OR1J2: variants seen among roughly 807,000 people sequenced by gnomAD.
OR1J2 encodes olfactory receptor 1J2.
For synonymous variants in OR1J2, 142 were observed against 99.7 expected (o/e 1.42, Z -2.52); for missense variants, 304 against 246.1 (o/e 1.24, Z -1.57).
the OR1J2 span, among the ~76,000 whole-genome samples, chr9:122,531,895 A>G: frequency 6.6e-6 from 1 of 152,192 alleles, no homozygotes. Context: ...CTACCTATCC[A>G]GTGAAAGTGT....
At chr9:122,464,560 C>T in the OR1J2 span, among the ~76,000 whole-genome samples, 4 of 152,116 alleles carry the variant, frequency 2.6e-5, no homozygotes, top group African/African-American at 9.7e-5. Flanking sequence ...CCACTCTGTC[C>T]GACCTAGTGG....
the OR1J2 span, among the ~76,000 whole-genome samples, chr9:122,502,460 A>T: frequency 1.3e-5 from 2 of 152,166 alleles, no homozygotes; most frequent in Admixed American, 6.5e-5. Flanking sequence ...TTGTTCCAGG[A>T]TGCTTGTCTG....
At chr9:122,554,054 T>G in the OR1J2 span, 6 of 1,613,648 alleles carry the variant, frequency 3.7e-6, no homozygotes, top group Non-Finnish European at 4.2e-6. Flanking sequence ...CTGTTCTCTA[T>G]ATGGTGATTA....
the OR1J2 span, among the ~76,000 whole-genome samples, chr9:122,545,753 C>T: frequency 6.6e-6 from 1 of 152,086 alleles, no homozygotes; most frequent in African/African-American, 2.4e-5. Flanking sequence ...CTTCTATATT[C>T]AACCAAAATA....
At chr9:122,552,927 C>T in the OR1J2 span, among the ~76,000 whole-genome samples, 15 of 152,056 alleles carry the variant, frequency 9.9e-5, no homozygotes, top group Non-Finnish European at 1.8e-4. Flanking sequence ...ATGCCAATTT[C>T]TCTGGTCAAA....
chr9:122,575,391 T>A, the OR1J2 span, among the ~76,000 whole-genome samples: 92 of 152,290 alleles, frequency 6.0e-4, no homozygotes, highest in African/African-American at 1.9e-3. Flanking sequence ...ATCAATTTCA[T>A]CATTTCTTTT....
At chr9:122,450,818 A>C in the OR1J2 span, among the ~76,000 whole-genome samples, 2 of 152,098 alleles carry the variant, frequency 1.3e-5, no homozygotes, top group Non-Finnish European at 2.9e-5. Flanking sequence ...TGACTGTTTT[A>C]GATTTCACAT....
chr9:122,458,423 C>T, the OR1J2 span, among the ~76,000 whole-genome samples: 1 of 152,046 alleles, frequency 6.6e-6, no homozygotes, highest in Non-Finnish European at 1.5e-5. Flanking sequence ...TCTCACAGTG[C>T]TAATAAGACA....
chr9:122,562,959 T>G, the OR1J2 span, among the ~76,000 whole-genome samples: 1 of 152,246 alleles, frequency 6.6e-6, no homozygotes, highest in South Asian at 2.1e-4. Flanking sequence ...TTGGCTGTTG[T>G]AAATAGTGCT....
chr9:122,498,283 G>C, the OR1J2 span, among the ~76,000 whole-genome samples: 1 of 151,778 alleles, frequency 6.6e-6, no homozygotes, highest in African/African-American at 2.4e-5. Context: ...CCATAGGTTT[G>C]GTCACTTTAT....
At chr9:122,515,351 G>GTT (rs1828684837), downstream of OR1J2, among the ~76,000 whole-genome samples, 1 of 58,768 alleles carries the variant, frequency 1.7e-5, no homozygotes, top group Non-Finnish European at 2.9e-5. Flanking sequence ...CCAGGAGCAG[G>GTT]TTGTGTGTGT....
At chr9:122,519,051 C>A in the OR1J2 span, 1 of 881,310 alleles carries the variant, frequency 1.1e-6, no homozygotes, top group Non-Finnish European at 1.8e-6. Flanking sequence ...TAGCAAGGAT[C>A]TTATTCTTAT....
At chr9:122,469,203 G>T in the OR1J2 span, among the ~76,000 whole-genome samples, 2 of 152,192 alleles carry the variant, frequency 1.3e-5, no homozygotes, top group Non-Finnish European at 2.9e-5. Flanking sequence ...ATATGGCTTG[G>T]CTCTGTGTCC....
chr9:122,568,377 A>G, the OR1J2 span: 1 of 1,613,970 alleles, frequency 6.2e-7, no homozygotes, highest in Non-Finnish European at 8.5e-7. Flanking sequence ...CAGGTACACG[A>G]TGAGGAAGAG....
At chr9:122,454,480 T>C in the OR1J2 span, among the ~76,000 whole-genome samples, 1 of 152,092 alleles carries the variant, frequency 6.6e-6, no homozygotes, top group African/African-American at 2.4e-5. Flanking sequence ...ATCATGCCAC[T>C]GCACTCCAGC....
the OR1J2 span, chr9:122,519,345 AC>A: frequency 1.2e-6 from 2 of 1,614,078 alleles, no homozygotes; most frequent in Non-Finnish European, 1.7e-6. Flanking sequence ...CTTGGCTCTC[AC>A]TGACATCTCC....
the OR1J2 span, among the ~76,000 whole-genome samples, chr9:122,476,388 G>T: frequency 6.6e-6 from 1 of 152,210 alleles, no homozygotes; most frequent in Non-Finnish European, 1.5e-5. Context: ...TAAAATCTGG[G>T]AAAGGTCAGC....
At chr9:122,462,953 A>G in the OR1J2 span, among the ~76,000 whole-genome samples, 1 of 152,144 alleles carries the variant, frequency 6.6e-6, no homozygotes, top group Non-Finnish European at 1.5e-5. Flanking sequence ...AGCTTCTTGT[A>G]TTTAGATGTC....
chr9:122,537,376 T>G, the OR1J2 span, among the ~76,000 whole-genome samples: 30,415 of 152,196 alleles, frequency 0.2, 3,483 homozygotes, highest in Middle Eastern at 0.3. Context: ...TCGGGCCTGG[T>G]GCCGAGCTGC....
Sources: allele counts gnomAD v4.1 joint callset (sites outside exome capture counted in the v4.1 genomes callset), GRCh38; gene constraint gnomAD v4.1.1; transcripts MANE v1.5; gene names NCBI Gene and HGNC (gene_info 2026-07-23, HGNC 2026-07-21).